NOSTRIN: variants seen among roughly 807,000 people sequenced by gnomAD.
NOSTRIN encodes BM247 homolog.
NOSTRIN carries 63 observed loss-of-function variants against 59.0 expected under a neutral mutation model. The observed-to-expected ratio is 1.07, with a 90% CI of 0.87 to 1.32. NOSTRIN has a LOEUF of 1.32. Among genes scored for constraint, NOSTRIN ranks in the 40% most tolerant of loss-of-function variants. The pLI is 0.00. For synonymous variants in NOSTRIN, 200 were observed against 165.4 expected (o/e 1.21, Z -1.61); for missense variants, 512 against 473.1 (o/e 1.08, Z -0.76).
chr2:168,824,361 C>T (rs1686933507), intron 2 of NOSTRIN, among the ~76,000 whole-genome samples: 1 of 151,938 alleles, frequency 6.6e-6, no homozygotes, highest in Non-Finnish European at 1.5e-5. Context: ...TGCAGTGGCA[C>T]AATCTCAGCT....
At chr2:168,797,543 A>G (rs1292294116), upstream of NOSTRIN, among the ~76,000 whole-genome samples, 1 of 152,370 alleles carries the variant, frequency 6.6e-6, no homozygotes, top group South Asian at 2.1e-4. Context: ...AGCTGGGCCA[A>G]CATAAAGCTA....
In NOSTRIN at chr2:168,834,413, T is replaced by TTCC. The variant is rs1308513027; in HGVS notation, c.504+93_504+95dup. The TTCC allele has an allele frequency of 7.6e-5, 55 of 720,746 alleles. No homozygotes were observed. The East Asian group carries it at 1.4e-3, about 19-fold the overall frequency. The allele number at this position is 720,746 out of a possible 1,614,324, so 44.6% of individuals were successfully genotyped here. A position where few individuals can be genotyped will look rare whatever the true frequency, so the allele number is the denominator to read the frequency against. The stretch of plus-strand genomic sequence containing the variant: ...CTACGAACACAAGAGAACGGGTTGA[T>TTCC]TCCTCCTTCTCTGTGGGATTCCTGC... On this transcript the variant is annotated intron_variant, in intron 7 of 15. Transcript: ENST00000317647.
intron 1 of NOSTRIN, among the ~76,000 whole-genome samples, chr2:168,805,133 C>G (rs898010895): frequency 6.6e-6 from 1 of 152,104 alleles, no homozygotes; most frequent in South Asian, 2.1e-4. Context: ...ACAAAAAGGG[C>G]TCATGGTACG....
chr2:168,809,877 T>G (rs776921179), intron 1 of NOSTRIN, among the ~76,000 whole-genome samples: 2 of 152,112 alleles, frequency 1.3e-5, no homozygotes, highest in Non-Finnish European at 1.5e-5. Flanking sequence ...TTATTTTTCC[T>G]TCATGAGAGA....
At chr2:168,841,615 G>A (rs1042491445) in intron 7 of NOSTRIN, among the ~76,000 whole-genome samples, 7 of 152,138 alleles carry the variant, frequency 4.6e-5, no homozygotes, top group African/African-American at 9.7e-5. Flanking sequence ...AATTACACTC[G>A]CTAAATTTTG....
intron 2 of NOSTRIN, among the ~76,000 whole-genome samples, chr2:168,822,517 A>G (rs557152307): frequency 6.6e-6 from 1 of 152,392 alleles, no homozygotes; most frequent in African/African-American, 2.4e-5. Flanking sequence ...CAAATGAAAT[A>G]ACATAATAAA....
chr2:168,861,309 T>G (rs1444095482), intron 14 of NOSTRIN, among the ~76,000 whole-genome samples: 1 of 152,140 alleles, frequency 6.6e-6, no homozygotes, highest in African/African-American at 2.4e-5. Context: ...TTGCCAGGGC[T>G]TGGACTCATG....
intron 8 of NOSTRIN, among the ~76,000 whole-genome samples, chr2:168,843,426 G>C (rs190895863): frequency 1.1e-4 from 17 of 152,298 alleles, no homozygotes; most frequent in African/African-American, 4.1e-4. Flanking sequence ...AGTGTTAGGT[G>C]CTTCAAAATT....
intron 6 of NOSTRIN, among the ~76,000 whole-genome samples, chr2:168,832,846 T>C (rs1254707542): frequency 1.3e-5 from 2 of 152,168 alleles, no homozygotes; most frequent in African/African-American, 4.8e-5. Flanking sequence ...GATCCCGAAC[T>C]CCTGGGCACA....
chr2:168,846,589 C>A (rs13384117), intron 8 of NOSTRIN, among the ~76,000 whole-genome samples: 4,398 of 152,216 alleles, frequency 0.029, 211 homozygotes, highest in African/African-American at 0.1. Context: ...CTAGCCACAT[C>A]CCACCCTCCA....
chr2:168,798,431 A>G (rs1685537109), upstream of NOSTRIN, among the ~76,000 whole-genome samples: 1 of 152,176 alleles, frequency 6.6e-6, no homozygotes, highest in South Asian at 2.1e-4. Flanking sequence ...TGAATACTTC[A>G]TAAATGCGTA....
chr2:168,788,640 A>C (rs1050335907), intron 2 of NOSTRIN, among the ~76,000 whole-genome samples: 5 of 152,104 alleles, frequency 3.3e-5, no homozygotes, highest in Non-Finnish European at 7.4e-5. Context: ...GCAGTGGGAG[A>C]TGGGTTACAT....
At chr2:168,841,151 C>T (rs76812170) in intron 7 of NOSTRIN, among the ~76,000 whole-genome samples, 20,101 of 145,676 alleles carry the variant, frequency 0.14, 1,470 homozygotes, top group Non-Finnish European at 0.17. Context: ...TGCTTGAACC[C>T]GGGACAAGGA....
chr2:168,800,599 T>C (rs550707225), upstream of NOSTRIN, among the ~76,000 whole-genome samples: 20 of 152,266 alleles, frequency 1.3e-4, no homozygotes, highest in African/African-American at 4.6e-4. Flanking sequence ...AGTTTGGGGA[T>C]AGGAGTGCCC....
At chr2:168,832,857 A>G (rs1687444788) in intron 6 of NOSTRIN, among the ~76,000 whole-genome samples, 1 of 152,160 alleles carries the variant, frequency 6.6e-6, no homozygotes, top group Non-Finnish European at 1.5e-5. Context: ...CCTGGGCACA[A>G]GGGATCTGCC....
chr2:168,807,207 T>G (rs1685898485), intron 1 of NOSTRIN, among the ~76,000 whole-genome samples: 1 of 152,000 alleles, frequency 6.6e-6, no homozygotes, highest in Non-Finnish European at 1.5e-5. Flanking sequence ...TAAAGTCAAG[T>G]GATTTCACCC....
At chr2:168,822,212 C>T (rs921102935) in intron 2 of NOSTRIN, among the ~76,000 whole-genome samples, 2 of 152,204 alleles carry the variant, frequency 1.3e-5, no homozygotes, top group African/African-American at 4.8e-5. Flanking sequence ...AAAATACTTG[C>T]CTTAGCCTTT....
chr2:168,804,073 C>G (rs1685725548), intron 1 of NOSTRIN, among the ~76,000 whole-genome samples: 1 of 152,052 alleles, frequency 6.6e-6, no homozygotes, highest in African/African-American at 2.4e-5. Flanking sequence ...AAATGGTGGG[C>G]AGCTTTAATT....
chr2:168,817,469 A>G (rs2555932), intron 2 of NOSTRIN, among the ~76,000 whole-genome samples: 95,503 of 152,080 alleles, frequency 0.63, 30,389 homozygotes, highest in African/African-American at 0.73. Context: ...AATCAGATCA[A>G]TTTGACTGGT....
Sources: allele counts gnomAD v4.1 joint callset (sites outside exome capture counted in the v4.1 genomes callset), GRCh38; gene constraint gnomAD v4.1.1; transcripts MANE v1.5; gene names NCBI Gene and HGNC (gene_info 2026-07-23, HGNC 2026-07-21).